The following HS3ST4 variants were observed in gnomAD, a reference collection of about 807,000 sequenced individuals.
HS3ST4 encodes the protein heparan sulfate-glucosamine 3-sulfotransferase 4.
Under a neutral mutation model 29.2 loss-of-function variants are expected in HS3ST4, and 17 were observed. The observed-to-expected ratio is 0.58, with a 90% CI of 0.40 to 0.87. The LOEUF is 0.87. Among genes scored for constraint, HS3ST4 ranks in the 40% least tolerant of loss-of-function variants. The probability of loss-of-function intolerance (pLI) is 0.00; values close to 1 mark genes in which losing one functional copy is unlikely to be tolerated. For missense variants in HS3ST4, 627 were observed against 634.5 expected, an observed-to-expected ratio of 0.99 and a Z score of 0.13; for synonymous variants, 314 against 285.7, an observed-to-expected ratio of 1.10 and a Z score of -1.00.
At chr16:26,051,019 G>T (rs1898335862) in intron 1 of HS3ST4, among the ~76,000 whole-genome samples, 2 of 152,128 alleles carry the variant, frequency 1.3e-5, no homozygotes, top group Admixed American at 1.3e-4. Flanking sequence ...CCTTTAGGGA[G>T]CATTGAGTTT....
intron 1 of HS3ST4, among the ~76,000 whole-genome samples, chr16:25,985,984 C>G (rs1333820955): frequency 6.6e-6 from 1 of 152,134 alleles, no homozygotes; most frequent in Non-Finnish European, 1.5e-5. Flanking sequence ...CATAACTGGC[C>G]CTTCCTTTCC....
chr16:26,008,595 GA>G (rs569997441), intron 1 of HS3ST4, among the ~76,000 whole-genome samples: 268 of 152,274 alleles, frequency 1.8e-3, no homozygotes, highest in African/African-American at 6.0e-3. Flanking sequence ...AAGGTAGGTG[GA>G]TCACTTGAGG....
chr16:26,006,824 C>T (rs1238538675), intron 1 of HS3ST4, among the ~76,000 whole-genome samples: 3 of 152,236 alleles, frequency 2.0e-5, no homozygotes, highest in Non-Finnish European at 2.9e-5. Context: ...ATTCAGGCTC[C>T]TCTCATCCTC....
chr16:26,053,697 C>A (rs892004885), intron 1 of HS3ST4, among the ~76,000 whole-genome samples: 17 of 152,064 alleles, frequency 1.1e-4, no homozygotes, highest in Non-Finnish European at 2.2e-4. Flanking sequence ...AAAACAGACT[C>A]TAACATGTAT....
At chr16:25,758,994 GAAAAACA>G (rs1444540193) in intron 1 of HS3ST4, among the ~76,000 whole-genome samples, 1 of 146,674 alleles carries the variant, frequency 6.8e-6, no homozygotes, top group South Asian at 2.2e-4. Context: ...AAAAACCCCA[GAAAAACA>G]AAAAACAAAA....
At chr16:25,897,311 A>C (rs1000358363) in intron 1 of HS3ST4, among the ~76,000 whole-genome samples, 2 of 152,032 alleles carry the variant, frequency 1.3e-5, no homozygotes, top group Non-Finnish European at 2.9e-5. Flanking sequence ...CAGATTAGCC[A>C]GGCATGGTGG....
chr16:25,828,266 T>TCTCTCTC (rs1967247254), intron 1 of HS3ST4, among the ~76,000 whole-genome samples: 9 of 82,242 alleles, frequency 1.1e-4, no homozygotes, highest in African/African-American at 2.7e-4. Context: ...CTTTCTTTCT[T>TCTCTCTC]TCTTTCTTTC....
At chr16:25,967,641 A>G (rs892345003) in intron 1 of HS3ST4, among the ~76,000 whole-genome samples, 1 of 152,246 alleles carries the variant, frequency 6.6e-6, no homozygotes, top group African/African-American at 2.4e-5. Context: ...TTTCCTATTC[A>G]AATCATAATA....
chr16:25,867,594 GCA>G (rs71672492), intron 1 of HS3ST4, among the ~76,000 whole-genome samples: 2 of 151,464 alleles, frequency 1.3e-5, no homozygotes, highest in East Asian at 1.9e-4. Flanking sequence ...ACACACACAT[GCA>G]CACACACACA....
chr16:26,114,541 A>C (rs1373999613), intron 1 of HS3ST4, among the ~76,000 whole-genome samples: 1 of 152,190 alleles, frequency 6.6e-6, no homozygotes, highest in Non-Finnish European at 1.5e-5. Context: ...CTAGCAGGGA[A>C]GGAAGAAAAA....
intron 1 of HS3ST4, among the ~76,000 whole-genome samples, chr16:25,892,864 A>G (rs552490228): frequency 6.6e-6 from 1 of 152,344 alleles, no homozygotes; most frequent in South Asian, 2.1e-4. Flanking sequence ...AGCAGTGAAC[A>G]AGACAGCAAA....
intron 1 of HS3ST4, among the ~76,000 whole-genome samples, chr16:25,829,484 CGTG>C (rs1391328584): frequency 6.6e-6 from 1 of 152,068 alleles, no homozygotes; most frequent in Non-Finnish European, 1.5e-5. Flanking sequence ...ATACATGTAC[CGTG>C]GTGGTTTGCT....
rs546495452 is a variant in HS3ST4, at chr16:26,118,169, A to T, written c.735-17443A>T. 3.3e-5 allele frequency among the ~76,000 whole-genome samples: 5 copies of T among 152,270 alleles called. No individual in the cohort carries two copies. In the South Asian group the frequency reaches 1.0e-3, roughly 32 times the overall value. ...CAGCCTCCAACTTCTGGCCTCAAGC[A>T]ATCCTCCCACCTTAGCCTCCTGAGT... On this transcript the variant is annotated intron_variant, in intron 1 of 1. Transcript: ENST00000331351.
chr16:25,777,362 T>C (rs1369912630), intron 1 of HS3ST4, among the ~76,000 whole-genome samples: 2 of 152,218 alleles, frequency 1.3e-5, no homozygotes, highest in African/African-American at 4.8e-5. Context: ...GTGCTTTCTG[T>C]GTGTCCAAGA....
intron 1 of HS3ST4, among the ~76,000 whole-genome samples, chr16:25,768,051 C>T: frequency 6.6e-6 from 1 of 151,962 alleles, no homozygotes; most frequent in East Asian, 1.9e-4. Context: ...CAGGGGGTGG[C>T]AGGGGAGTGC....
chr16:25,770,079 A>G (rs1407830485), intron 1 of HS3ST4, among the ~76,000 whole-genome samples: 1 of 152,172 alleles, frequency 6.6e-6, no homozygotes, highest in Non-Finnish European at 1.5e-5. Context: ...TCCAGTAAAG[A>G]TCGTGGGACC....
intron 1 of HS3ST4, among the ~76,000 whole-genome samples, chr16:26,041,734 C>T (rs561539835): frequency 5.4e-4 from 83 of 152,296 alleles, no homozygotes; most frequent in Non-Finnish European, 1.8e-4. Flanking sequence ...CAAATGGCAG[C>T]CACATTGGGC....
At chr16:26,009,465 C>CA (rs1969289424) in intron 1 of HS3ST4, among the ~76,000 whole-genome samples, 2 of 152,168 alleles carry the variant, frequency 1.3e-5, no homozygotes, top group Admixed American at 6.5e-5. Flanking sequence ...GTTTTTGTAT[C>CA]AGTCAGGATA....
intron 1 of HS3ST4, among the ~76,000 whole-genome samples, chr16:26,010,852 T>C (rs867189175): frequency 6.6e-6 from 1 of 152,234 alleles, no homozygotes; most frequent in Non-Finnish European, 1.5e-5. Flanking sequence ...AGCTAATGGC[T>C]TGATTTCAAA....
Sources: allele counts gnomAD v4.1 joint callset (sites outside exome capture counted in the v4.1 genomes callset), GRCh38; gene constraint gnomAD v4.1.1; transcripts MANE v1.5; gene names NCBI Gene and HGNC (gene_info 2026-07-23, HGNC 2026-07-21).